Variants in USP35 observed in about 807,000 individuals in gnomAD.
USP35 encodes the protein ubiquitin carboxyl-terminal hydrolase 35.
In USP35, 69 loss-of-function variants were observed where a neutral mutation model predicts 83.8. The observed-to-expected ratio is 0.82, with a 90% CI of 0.68 to 1.01. The LOEUF (loss-of-function observed/expected upper bound fraction) is 1.01, where lower values mean the gene tolerates loss of function less well. Among genes scored for constraint, USP35 ranks in the 50% least tolerant of loss-of-function variants. The pLI, the probability that USP35 is intolerant of heterozygous loss-of-function variation, is 0.00. For missense variants in USP35, 1,503 were observed against 1,362.5 expected (o/e 1.10, Z -1.62); for synonymous variants, 714 against 589.5 (o/e 1.21, Z -3.06).
At position 78,210,413 on chromosome 11, in the gene USP35, A is replaced by G; in HGVS notation, c.2558A>G (p.His853Arg). 3 of 1,613,936 alleles carry G rather than the reference A, an allele frequency of 1.9e-6. No individual in the cohort carries two copies. The highest frequency in any genetic ancestry group is 2.5e-6 in the Non-Finnish European group (3 of 1,179,996). Residue 853 changes from histidine to arginine, a missense_variant, in exon 10 of 11, where the codon CAC becomes CGC. His to Arg is a conservative substitution (Grantham distance 29). Transcript: ENST00000529308. Reference protein sequence around the residue: ...QAYDLCSVVVHSGVSSESGHY... With the variant: ...QAYDLCSVVVRSGVSSESGHY... ...TATGACCTCTGCAGTGTGGTGGTGC[A>G]CTCTGGAGTGTCTTCGGAGAGTGGT...
In USP35 at chr11:78,188,943, C is replaced by T. The variant is rs73507207; in HGVS notation, c.-225C>T. The T allele has an allele frequency of 4.2e-5, 41 of 985,534 alleles. No individual in the cohort carries two copies. The highest frequency in any genetic ancestry group is 1.1e-4 in the East Asian group (1 of 8,826). 61.0% of individuals were successfully genotyped at this position (985,534 alleles called of 1,614,324 possible). On this transcript the variant is annotated 5_prime_UTR_variant, in exon 1 of 11. Coordinates refer to ENST00000529308, the MANE Select transcript of USP35 (RefSeq NM_020798.4). ...CAGCCCCGGGGCCGCGCCGCAGAGT[C>T]GGGCTTCCTGGATACATAGAGGCTT...
intron 6 of USP35, among the ~76,000 whole-genome samples, chr11:78,202,804 A>G (rs1472314253): frequency 6.6e-6 from 1 of 152,190 alleles, no homozygotes; most frequent in Non-Finnish European, 1.5e-5. Flanking sequence ...GGGTTTCTAC[A>G]TCGAAAGGGA....
intron 9 of USP35, 35 bp downstream of exon 9, chr11:78,208,998 C>G (rs750265829): frequency 6.3e-7 from 1 of 1,599,482 alleles, no homozygotes; most frequent in Non-Finnish European, 8.6e-7. Context: ...GACTCCAGGT[C>G]TAGAGGGTCC....
In USP35 at chr11:78,214,380, G is replaced by C. The variant is rs1565408025; in HGVS notation, c.*567G>C. The C allele has an allele frequency of 7.8e-6, 1 of 127,870 alleles. No individual in the cohort carries two copies. The highest frequency in any genetic ancestry group is 1.8e-5 in the Non-Finnish European group (1 of 56,664). The allele number at this position is 127,870 out of a possible 1,614,324, so 7.9% of individuals were successfully genotyped here. On this transcript the variant is annotated 3_prime_UTR_variant, in exon 11 of 11. Coordinates refer to ENST00000529308, the MANE Select transcript of USP35 (RefSeq NM_020798.4). The stretch of plus-strand genomic sequence containing the variant: ...TACCAAGCGCCACTGCATGGTTTTG[G>C]GGGGGGGGGCGGGGGGCTAGCTTCT...
Position 78,200,911 on chromosome 11 carries a change from T to C in USP35, c.1197+103T>C, listed in dbSNP as rs73507222. 0.012 allele frequency: 17,084 copies of C among 1,464,870 alleles called. 1,297 individuals carry two copies. In the African/African-American group the frequency reaches 0.19, roughly 16 times the overall value. The allele number at this position is 1,464,870 out of a possible 1,614,324, so 90.7% of individuals were successfully genotyped here. A position where few individuals can be genotyped will look rare whatever the true frequency, so the allele number is the denominator to read the frequency against. On this transcript the variant is annotated intron_variant, in intron 6 of 10. Coordinates refer to ENST00000529308, the MANE Select transcript of USP35 (RefSeq NM_020798.4). ...ACAGCTTGGTGGCAGTCCCCGTCATTTGGTGCCTGGCTGTCTCCCATCACC... is the reference window on the plus strand; with the variant it reads ...ACAGCTTGGTGGCAGTCCCCGTCATCTGGTGCCTGGCTGTCTCCCATCACC...
At position 78,204,317 on chromosome 11, in the gene USP35, G is replaced by A. The variant is rs911546803; in HGVS notation, c.1198-1525G>A. On this transcript the variant is annotated intron_variant, in intron 6 of 10. Coordinates refer to ENST00000529308, the MANE Select transcript of USP35 (RefSeq NM_020798.4). ...ATTTTACTGCTTATAAAATTATTTC[G>A]CATGGGTTCTATGAGTACATCCTTT... 5.9e-5 allele frequency among the ~76,000 whole-genome samples: 9 copies of A among 152,172 alleles called. No homozygotes were observed. In the East Asian group the frequency reaches 9.6e-4, roughly 16 times the overall value.
chr11:78,212,388 T>C (rs529271878), intron 10 of USP35, among the ~76,000 whole-genome samples: 3 of 152,222 alleles, frequency 2.0e-5, no homozygotes, highest in African/African-American at 7.2e-5. Flanking sequence ...CTTCCACTTT[T>C]GTTCTTTTTG....
downstream of USP35, among the ~76,000 whole-genome samples, chr11:78,219,967 C>T (rs1271973016): frequency 6.6e-6 from 1 of 152,116 alleles, no homozygotes; most frequent in Non-Finnish European, 1.5e-5. Flanking sequence ...TGGACCCACT[C>T]GAGAGCCCAG....
At position 78,198,013 on chromosome 11, in the gene USP35, A is replaced by G. The variant is rs1421503236; in HGVS notation, c.751A>G (p.Asn251Asp). The change falls in exon 3 of 11, where the codon AAC (asparagine) becomes GAC (aspartate). Residue 251 changes from asparagine to aspartate, a missense_variant. Physicochemically the swap from Asn to Asp is conservative, Grantham distance 23. Coordinates refer to ENST00000529308, the MANE Select transcript of USP35 (RefSeq NM_020798.4). ...GGAGCTCATGGATGGTGTTGTCCGG[A>G]ACCTCAGCAATGATGACAGTGTGAC... Reference protein sequence around the residue: ...PLELMDGVVRNLSNDDSVTDS... With the variant: ...PLELMDGVVRDLSNDDSVTDS... 3 of 1,614,114 alleles carry G rather than the reference A, an allele frequency of 1.9e-6. No homozygotes were observed. Among genetic ancestry groups the G allele is most frequent in the Non-Finnish European group, 2.5e-6 (3 of 1,180,048 alleles).
In USP35 at chr11:78,214,148, TCAGCTC is replaced by T. The variant is rs1863951136; in HGVS notation, c.*338_*343del. ...TGATGTTCAGGAAACAGGCTAGACC[TCAGCTC>T]CAATGTTTTGACATCAAGTACTATT... is the stretch of plus-strand genomic sequence containing the variant. On this transcript the variant is annotated 3_prime_UTR_variant, in exon 11 of 11. Transcript: ENST00000529308. 4.3e-5 allele frequency: 10 copies of T among 233,050 alleles called. No homozygotes were observed. In the Admixed American group the frequency reaches 5.3e-4, roughly 12 times the overall value. 14.4% of individuals were successfully genotyped at this position (233,050 alleles called of 1,614,324 possible). A position where few individuals can be genotyped will look rare whatever the true frequency, so the allele number is the denominator to read the frequency against.
chr11:78,211,464 T>C (rs1435363220), intron 10 of USP35, among the ~76,000 whole-genome samples: 1 of 152,234 alleles, frequency 6.6e-6, no homozygotes, highest in Non-Finnish European at 1.5e-5. Context: ...TTTGGGTGTA[T>C]AGCCAGTAAT....
At chr11:78,228,343 C>A in the USP35 span, among the ~76,000 whole-genome samples, 2 of 152,172 alleles carry the variant, frequency 1.3e-5, no homozygotes, top group Non-Finnish European at 2.9e-5. Flanking sequence ...AAAAAAGAAT[C>A]AATCCTTTGT....
intron 3 of USP35, chr11:78,198,503 T>C (rs1590899767): frequency 1.7e-6 from 1 of 582,636 alleles, no homozygotes; most frequent in South Asian, 7.5e-5. Context: ...CCACCTCATC[T>C]GAACGTCCTC....
chr11:78,197,858 G>A, intron 2 of USP35, 78 bp from the exon 3 acceptor site: 1 of 1,537,932 alleles, frequency 6.5e-7, no homozygotes, highest in Non-Finnish European at 8.7e-7. Context: ...CGGTTCGTTG[G>A]CTCCTGCAGG....
chr11:78,194,302 G>A (rs1863081638), intron 1 of USP35, among the ~76,000 whole-genome samples: 1 of 152,178 alleles, frequency 6.6e-6, no homozygotes, highest in Admixed American at 6.5e-5. Flanking sequence ...TGGAGGTTAG[G>A]TCACAGCTGA....
Position 78,213,949 on chromosome 11 carries a change from C to CACAGAGATTCTCTCAGATAT in USP35, c.*137_*156dup. 1.1e-6 allele frequency: 1 copy of CACAGAGATTCTCTCAGATAT among 951,332 alleles called. No individual in the cohort carries two copies. The highest frequency in any genetic ancestry group is 1.5e-6 in the Non-Finnish European group (1 of 683,384). The allele number at this position is 951,332 out of a possible 1,614,324, so 58.9% of individuals were successfully genotyped here. ...TTAGTCCTCAGCCTGATGAAGGGTA[C>CACAGAGATTCTCTCAGATAT]ACAGAGATTCTCTCAGATATGGAAG... On this transcript the variant is annotated 3_prime_UTR_variant, in exon 11 of 11. Transcript: ENST00000529308.
the USP35 span, among the ~76,000 whole-genome samples, chr11:78,232,321 C>T: frequency 2.0e-5 from 3 of 152,186 alleles, no homozygotes; most frequent in Non-Finnish European, 4.4e-5. Flanking sequence ...AGAATTATGG[C>T]TTTTCAGGGC....
At chr11:78,194,557 C>T (rs762154860) in intron 1 of USP35, among the ~76,000 whole-genome samples, 12 of 152,140 alleles carry the variant, frequency 7.9e-5, no homozygotes, top group South Asian at 2.1e-4. Context: ...AATGGTTCTG[C>T]GCTCCAGGAG....
At chr11:78,199,815 C>A in intron 4 of USP35, 91 bp downstream of exon 4, 1 of 1,586,122 alleles carries the variant, frequency 6.3e-7, no homozygotes, top group Non-Finnish European at 8.6e-7. Context: ...GAGCATTGGG[C>A]CTACCCACCA....
Sources: gnomAD v4.1 joint callset for allele counts (sites outside exome capture counted in the v4.1 genomes callset) on GRCh38, gnomAD v4.1.1 for gene constraint, MANE v1.5 for transcripts, NCBI Gene and HGNC (gene_info 2026-07-23, HGNC 2026-07-21) for gene names.